KIF26B: variants seen among roughly 807,000 people sequenced by gnomAD.
The protein encoded by KIF26B is kinesin-like protein KIF26B.
KIF26B carries 63 observed loss-of-function variants against 151.2 expected under a neutral mutation model. That is an observed-to-expected ratio of 0.42 (90% confidence interval 0.34 to 0.51). The LOEUF (loss-of-function observed/expected upper bound fraction) is 0.51, where lower values mean the gene tolerates loss of function less well. Among genes scored for constraint, KIF26B ranks in the 20% least tolerant of loss-of-function variants. The pLI is 0.07. For synonymous variants in KIF26B, 1,357 were observed against 1,262.1 expected, an observed-to-expected ratio of 1.08 and a Z score of -1.59; for missense variants, 2,813 against 2,913.6, an observed-to-expected ratio of 0.97 and a Z score of 0.79.
intron 2 of KIF26B, among the ~76,000 whole-genome samples, chr1:245,328,811 G>A (rs1422723178): frequency 3.3e-5 from 5 of 152,318 alleles, no homozygotes; most frequent in African/African-American, 4.8e-5. Flanking sequence ...GTCGCTCATC[G>A]AGAACTCGTG....
chr1:245,179,138 T>G (rs1668861712), intron 2 of KIF26B, among the ~76,000 whole-genome samples: 1 of 152,222 alleles, frequency 6.6e-6, no homozygotes, highest in Admixed American at 6.5e-5. Context: ...CAAATAGTTC[T>G]CTTGGCTCCC....
At chr1:245,222,222 A>AG (rs1343655254) in intron 2 of KIF26B, among the ~76,000 whole-genome samples, 1 of 152,172 alleles carries the variant, frequency 6.6e-6, no homozygotes, top group Non-Finnish European at 1.5e-5. Flanking sequence ...GGATCACCTG[A>AG]GGTCAGGAGT....
intron 10 of KIF26B, among the ~76,000 whole-genome samples, chr1:245,679,672 T>G (rs1230426258): frequency 6.6e-6 from 1 of 152,062 alleles, no homozygotes. Flanking sequence ...TTTCACCATG[T>G]TGGCCAGGCT....
chr1:245,665,579 A>G (rs1572187620), intron 10 of KIF26B, among the ~76,000 whole-genome samples: 1 of 152,368 alleles, frequency 6.6e-6, no homozygotes, highest in African/African-American at 2.4e-5. Flanking sequence ...TACACATTTC[A>G]AAAACTATAG....
chr1:245,648,506 A>G (rs2043977785), intron 10 of KIF26B, among the ~76,000 whole-genome samples: 1 of 151,852 alleles, frequency 6.6e-6, no homozygotes, highest in East Asian at 1.9e-4. Flanking sequence ...ATGGTGTTGC[A>G]TGGTTGTAGT....
chr1:245,568,106 GGAGGTTGCAGT>G (rs750225463), intron 5 of KIF26B, among the ~76,000 whole-genome samples: 38 of 146,762 alleles, frequency 2.6e-4, no homozygotes, highest in Non-Finnish European at 4.6e-4. Context: ...GAGGTTCAGT[GGAGGTTGCAGT>G]GAGGTTGCAG....
intron 4 of KIF26B, among the ~76,000 whole-genome samples, chr1:245,434,720 T>C (rs1658862415): frequency 6.6e-6 from 1 of 151,990 alleles, no homozygotes; most frequent in African/African-American, 2.4e-5. Flanking sequence ...TGTCTCTAGG[T>C]GGGGATAATT....
chr1:245,517,296 A>G (rs1036957287), intron 4 of KIF26B, among the ~76,000 whole-genome samples: 11 of 151,976 alleles, frequency 7.2e-5, no homozygotes, highest in African/African-American at 2.2e-4. Context: ...CGGAGGTTGC[A>G]GTGAGCCAAG....
Position 245,602,480 on chromosome 1 carries a change from C to T in KIF26B, c.1351-97C>T, listed in dbSNP as rs2043406735. On this transcript the variant is annotated intron_variant, in intron 5 of 14. Transcript: ENST00000407071. The surrounding 1 kb of genome is among the most constrained non-coding windows in gnomAD (Gnocchi z 4.5). ...TAATTTATCCTGAGAAAGTTCAGTG[C>T]TGCCATGTGCATGTATATCGCAGAG... is the stretch of plus-strand genomic sequence containing the variant. 1 of 885,482 alleles carries T rather than the reference C, an allele frequency of 1.1e-6. No homozygotes were observed. The highest frequency in any genetic ancestry group is 1.8e-6 in the Non-Finnish European group (1 of 554,886). The allele number at this position is 885,482 out of a possible 1,614,324, so 54.9% of individuals were successfully genotyped here.
At chr1:245,242,646 T>G (rs1670228707) in intron 2 of KIF26B, among the ~76,000 whole-genome samples, 1 of 151,088 alleles carries the variant, frequency 6.6e-6, no homozygotes. Flanking sequence ...ATATGTGGTT[T>G]TTTGTTTGTT....
chr1:245,367,343 C>G lies in KIF26B; in HGVS notation c.975C>G (p.Asn325Lys). Residue 325 changes from asparagine to lysine, a missense_variant, in exon 3 of 15, where the codon AAC becomes AAG. Physicochemically the swap from Asn to Lys is moderately conservative, Grantham distance 94 (BLOSUM62 0). Coordinates refer to ENST00000407071, the MANE Select transcript of KIF26B (RefSeq NM_018012.4). This position sits in a 1 kb window ranked among gnomAD's most constrained non-coding sequence, Gnocchi z 4.2. Reference sequence around the variant, plus strand: ...GCACCTGGTCCCTGTCGAGAACCAACGGGGTCACCCTGTACCCATACCAGG... The same window carrying G: ...GCACCTGGTCCCTGTCGAGAACCAAGGGGGTCACCCTGTACCCATACCAGG... ...LDGTWSLSRT[N>K]GVTLYPYQIS... The G allele has an allele frequency of 6.3e-7, 1 of 1,592,974 alleles. No homozygotes were observed. Among genetic ancestry groups the G allele is most frequent in the Non-Finnish European group, 8.5e-7 (1 of 1,169,926 alleles).
chr1:245,698,205 C>T lies in KIF26B; in HGVS notation c.5924C>T (p.Pro1975Leu). 1 of 1,614,018 alleles carries T rather than the reference C, an allele frequency of 6.2e-7. No individual in the cohort carries two copies. The highest frequency in any genetic ancestry group is 8.5e-7 in the Non-Finnish European group (1 of 1,179,898). Residue 1975 changes from proline (P) to leucine (L), a missense_variant, in exon 13 of 15, where the codon CCC becomes CTC. Physicochemically the swap from Pro to Leu is moderately conservative, Grantham distance 98. Coordinates refer to ENST00000407071, the MANE Select transcript of KIF26B (RefSeq NM_018012.4). This position sits in a 1 kb window ranked among gnomAD's most constrained non-coding sequence, Gnocchi z 4.0. ...ACAGGCGTCCGCTGGGTGGATGGCCCCTTGCGGAGCAGCCCGAGGGGCCTT... is the reference window on the plus strand; with the variant it reads ...ACAGGCGTCCGCTGGGTGGATGGCCTCTTGCGGAGCAGCCCGAGGGGCCTT... ...NSTGVRWVDG[P>L]LRSSPRGLGE... is the part of the protein sequence containing the mutation.
chr1:245,584,949 T>C (rs1027451238), intron 5 of KIF26B, among the ~76,000 whole-genome samples: 1 of 152,226 alleles, frequency 6.6e-6, no homozygotes, highest in Non-Finnish European at 1.5e-5. Context: ...TAGAATCTTT[T>C]AAATTGATAA....
Position 245,495,153 on chromosome 1 carries a change from CA to C in KIF26B, c.1167-45612del, listed in dbSNP as rs202081066. The stretch of plus-strand genomic sequence containing the variant: ...ATCTAATAGCAGATTAGATTTAGTA[CA>C]AGACAGATTCAGTGAAATGGAATGC... On this transcript the variant is annotated intron_variant, in intron 4 of 14. Coordinates refer to ENST00000407071, the MANE Select transcript of KIF26B (RefSeq NM_018012.4). The surrounding 1 kb of genome is among the most constrained non-coding windows in gnomAD (Gnocchi z 4.2). 9.1e-3 allele frequency among the ~76,000 whole-genome samples: 1,390 copies of C among 152,082 alleles called. 26 individuals are homozygous for C. Among genetic ancestry groups the C allele is most frequent in the African/African-American group, 0.032 (1,341 of 41,474 alleles).
At chr1:245,394,286 T>C (rs937780341) in intron 3 of KIF26B, among the ~76,000 whole-genome samples, 6 of 152,220 alleles carry the variant, frequency 3.9e-5, no homozygotes, top group African/African-American at 1.2e-4. Flanking sequence ...GCTCCATGCA[T>C]GTATTTAATC....
intron 5 of KIF26B, among the ~76,000 whole-genome samples, chr1:245,559,277 C>A (rs1301058913): frequency 6.6e-6 from 1 of 152,156 alleles, no homozygotes; most frequent in African/African-American, 2.4e-5. Flanking sequence ...AGTCTAAGCT[C>A]CGGTGAGCCT....
chr1:245,395,926 T>C (rs1673824963), intron 3 of KIF26B, among the ~76,000 whole-genome samples: 2 of 152,128 alleles, frequency 1.3e-5, no homozygotes, highest in South Asian at 4.1e-4. Context: ...AGTTTCTTAA[T>C]CTGTAGAACA....
intron 4 of KIF26B, among the ~76,000 whole-genome samples, chr1:245,438,935 A>G (rs1412409193): frequency 6.6e-6 from 1 of 152,216 alleles, no homozygotes; most frequent in African/African-American, 2.4e-5. Context: ...CTGTGAGGAA[A>G]TGTTTGGGGG....
chr1:245,489,731 A>G (rs1287255687), intron 4 of KIF26B, among the ~76,000 whole-genome samples: 1 of 152,208 alleles, frequency 6.6e-6, no homozygotes, highest in Non-Finnish European at 1.5e-5. Context: ...GTATCATGTG[A>G]TGTGGCTTAG....
Sources: gnomAD v4.1 joint callset for allele counts (sites outside exome capture counted in the v4.1 genomes callset) on GRCh38, gnomAD v4.1.1 for gene constraint, Gnocchi (gnomAD v3.1) non-coding constraint, MANE v1.5 for transcripts, NCBI Gene and HGNC (gene_info 2026-07-23, HGNC 2026-07-21) for gene names.